Variants in SHANK2 observed in about 807,000 individuals in gnomAD.
SHANK2 encodes SH3 and multiple ankyrin repeat domains 2.
SHANK2 carries 43 observed loss-of-function variants against 133.7 expected under a neutral mutation model. The ratio of observed to expected loss-of-function variants is 0.32; its 90% CI spans 0.25 to 0.41. SHANK2 has a LOEUF of 0.41. Ranked by LOEUF, SHANK2 falls within the 10% of genes least tolerant of loss-of-function variation. The pLI, the probability that SHANK2 is intolerant of heterozygous loss-of-function variation, is 1.00. For missense variants in SHANK2, 1,994 were observed against 2,235.8 expected, an observed-to-expected ratio of 0.89 and a Z score of 2.18; for synonymous variants, 1,017 against 952.8, an observed-to-expected ratio of 1.07 and a Z score of -1.24.
At chr11:70,608,060 CG>C (rs1554993036) in intron 17 of SHANK2, among the ~76,000 whole-genome samples, 9 of 152,220 alleles carry the variant, frequency 5.9e-5, no homozygotes. Context: ...CCGCCATGTC[CG>C]ATTCCTGCTG....
intron 17 of SHANK2, among the ~76,000 whole-genome samples, chr11:70,508,503 A>G (rs2059161583): frequency 6.6e-6 from 1 of 152,208 alleles, no homozygotes; most frequent in Admixed American, 6.5e-5. Flanking sequence ...CCTAATCCCT[A>G]GTATCTCAAA....
intron 2 of SHANK2, among the ~76,000 whole-genome samples, chr11:71,165,725 G>T (rs1413249046): frequency 3.9e-5 from 6 of 152,098 alleles, no homozygotes; most frequent in Admixed American, 3.9e-4. Context: ...GTGAAACAGG[G>T]GCTCAGCCAA....
chr11:71,233,566 TC>T (rs1954779781), intron 1 of SHANK2, among the ~76,000 whole-genome samples: 1 of 152,168 alleles, frequency 6.6e-6, no homozygotes, highest in Admixed American at 6.5e-5. Context: ...TTGCACAATC[TC>T]CCTAATTTAC....
intron 2 of SHANK2, among the ~76,000 whole-genome samples, chr11:71,204,845 T>A (rs1369196411): frequency 6.6e-6 from 1 of 152,074 alleles, no homozygotes; most frequent in East Asian, 1.9e-4. Flanking sequence ...ACCTTCCCAA[T>A]GGCCCATCCA....
At chr11:70,492,217 C>T in intron 22 of SHANK2, 118 bp downstream of exon 22, 1 of 1,482,260 alleles carries the variant, frequency 6.7e-7, no homozygotes, top group Non-Finnish European at 9.3e-7. Flanking sequence ...TTGGGCCCCA[C>T]CTCTGGACAG....
intron 17 of SHANK2, among the ~76,000 whole-genome samples, chr11:70,537,374 C>G (rs2059558345): frequency 2.0e-5 from 3 of 152,252 alleles, no homozygotes. Context: ...CAGAATATGA[C>G]CCGGGATTTA....
chr11:71,220,269 A>C (rs1157507535), intron 2 of SHANK2, among the ~76,000 whole-genome samples: 1 of 151,734 alleles, frequency 6.6e-6, no homozygotes, highest in Non-Finnish European at 1.5e-5. Context: ...AACAAACAAA[A>C]CAAAATACGA....
chr11:70,693,100 A>G (rs1212630733), intron 15 of SHANK2, among the ~76,000 whole-genome samples: 1 of 152,022 alleles, frequency 6.6e-6, no homozygotes, highest in African/African-American at 2.4e-5. Flanking sequence ...CCTACCCCTC[A>G]GTTCCATCCA....
chr11:70,915,064 T>C (rs1950251182), intron 10 of SHANK2, among the ~76,000 whole-genome samples: 1 of 152,206 alleles, frequency 6.6e-6, no homozygotes, highest in Non-Finnish European at 1.5e-5. Context: ...ATCTTAGTAA[T>C]GTGATCTGTG....
At chr11:71,112,081 G>C (rs1951899405) in intron 5 of SHANK2, among the ~76,000 whole-genome samples, 1 of 152,212 alleles carries the variant, frequency 6.6e-6, no homozygotes, top group African/African-American at 2.4e-5. Flanking sequence ...GATAATGACA[G>C]ATTAGAACTC....
Position 70,609,681 on chromosome 11 carries a change from T to A in SHANK2, c.2061+50147A>T, listed in dbSNP as rs140659068. On this transcript the variant is annotated intron_variant, in intron 17 of 25. Coordinates refer to ENST00000601538, the MANE Select transcript of SHANK2 (RefSeq NM_012309.5). Reference sequence around the variant, plus strand: ...TATTGTATATACTGTATATTGTATCTTGTATATACTGTATATTGTATATTC... The same window carrying A: ...TATTGTATATACTGTATATTGTATCATGTATATACTGTATATTGTATATTC... Among the ~76,000 whole-genome samples, 132 of 151,616 alleles carry A rather than the reference T, an allele frequency of 8.7e-4. 2 individuals are homozygous for A. In the East Asian group the frequency reaches 0.02, roughly 23 times the overall value.
At chr11:70,750,067 A>C (rs146817217) in intron 14 of SHANK2, among the ~76,000 whole-genome samples, 1 of 152,328 alleles carries the variant, frequency 6.6e-6, no homozygotes, top group African/African-American at 2.4e-5. Context: ...GCAGCTAGCA[A>C]ACCTGGGCAG....
At chr11:70,905,477 T>C (rs1262482847) in intron 10 of SHANK2, among the ~76,000 whole-genome samples, 2 of 152,208 alleles carry the variant, frequency 1.3e-5, no homozygotes, top group Admixed American at 1.3e-4. Context: ...CGTGCGGATT[T>C]CTGCCATGGT....
At chr11:71,224,446 G>A (rs1423975634) in intron 2 of SHANK2, among the ~76,000 whole-genome samples, 1 of 152,224 alleles carries the variant, frequency 6.6e-6, no homozygotes, top group African/African-American at 2.4e-5. Flanking sequence ...CACTGGTGAG[G>A]ACAGCTCAGA....
intron 14 of SHANK2, among the ~76,000 whole-genome samples, chr11:70,758,210 A>G (rs572001526): frequency 6.6e-6 from 1 of 152,230 alleles, no homozygotes; most frequent in South Asian, 2.1e-4. Flanking sequence ...CAGGCATTCC[A>G]GCCGGCAATG....
intron 17 of SHANK2, among the ~76,000 whole-genome samples, chr11:70,532,520 C>T (rs2059487051): frequency 6.6e-6 from 1 of 152,122 alleles, no homozygotes; most frequent in Non-Finnish European, 1.5e-5. Flanking sequence ...GGGAGGGCCC[C>T]TGGTCCTCGC....
chr11:70,719,139 G>A (rs1457141352), intron 14 of SHANK2, among the ~76,000 whole-genome samples: 1 of 152,362 alleles, frequency 6.6e-6, no homozygotes, highest in East Asian at 1.9e-4. Context: ...CGCAGTGAAC[G>A]CTGCCTGGGG....
intron 17 of SHANK2, among the ~76,000 whole-genome samples, chr11:70,586,467 AG>A (rs1295703714): frequency 2.0e-5 from 3 of 152,106 alleles, no homozygotes; most frequent in Non-Finnish European, 4.4e-5. Flanking sequence ...AGTGGCAAGG[AG>A]GGCCCCAAGG....
chr11:71,158,474 G>A (rs1269578219), intron 2 of SHANK2, among the ~76,000 whole-genome samples: 1 of 152,140 alleles, frequency 6.6e-6, no homozygotes, highest in Non-Finnish European at 1.5e-5. Context: ...AGAATTGAAG[G>A]TAGACCCAAA....
Sources: gnomAD v4.1 joint callset for allele counts (sites outside exome capture counted in the v4.1 genomes callset) on GRCh38, gnomAD v4.1.1 for gene constraint, MANE v1.5 for transcripts, NCBI Gene and HGNC (gene_info 2026-07-23, HGNC 2026-07-21) for gene names.